Variants in ASTN2 observed in about 807,000 individuals in gnomAD.
The protein encoded by ASTN2 is astrotactin 2.
Under a neutral mutation model 139.8 loss-of-function variants are expected in ASTN2, and 54 were observed. The observed-to-expected ratio is 0.39, with a 90% CI of 0.31 to 0.48. The LOEUF (loss-of-function observed/expected upper bound fraction) is 0.48. Ranked by LOEUF, ASTN2 falls within the 20% of genes least tolerant of loss-of-function variation. ASTN2 has a pLI of 0.95. For missense variants in ASTN2, 1,565 were observed against 1,725.1 expected (o/e 0.91, Z 1.64); for synonymous variants, 756 against 719.5 (o/e 1.05, Z -0.81).
At chr9:117,008,955 G>T (rs937733218) in intron 6 of ASTN2, among the ~76,000 whole-genome samples, 1 of 152,082 alleles carries the variant, frequency 6.6e-6, no homozygotes, top group Non-Finnish European at 1.5e-5. Flanking sequence ...GATTTCCAAA[G>T]AAATCCCCAG....
intron 17 of ASTN2, 80 bp from the exon 18 acceptor site, chr9:116,620,523 G>A (rs1856085673): frequency 1.9e-6 from 3 of 1,562,976 alleles, no homozygotes; most frequent in East Asian, 2.2e-5. Flanking sequence ...TGGCCATGAT[G>A]TGAGCCATCG....
chr9:117,333,244 C>T (rs1828771878), intron 1 of ASTN2, among the ~76,000 whole-genome samples: 1 of 152,152 alleles, frequency 6.6e-6, no homozygotes, highest in African/African-American at 2.4e-5. Context: ...TGACATGTGC[C>T]ACCTCATTGA....
At chr9:116,952,003 T>G (rs780736734) in intron 10 of ASTN2, among the ~76,000 whole-genome samples, 1 of 152,260 alleles carries the variant, frequency 6.6e-6, no homozygotes, top group South Asian at 2.1e-4. Context: ...CAATAACTCA[T>G]GTGGTCAAAG....
At chr9:116,484,952 C>A (rs1222557205) in intron 20 of ASTN2, among the ~76,000 whole-genome samples, 1 of 152,154 alleles carries the variant, frequency 6.6e-6, no homozygotes, top group East Asian at 1.9e-4. Context: ...GGATTCCAGT[C>A]CAGCTGACAT....
At chr9:117,329,446 G>C (rs1392187386) in intron 1 of ASTN2, among the ~76,000 whole-genome samples, 1 of 152,034 alleles carries the variant, frequency 6.6e-6, no homozygotes, top group Non-Finnish European at 1.5e-5. Context: ...AAGAGGGAGA[G>C]GAGAGGGAGA....
chr9:117,232,744 A>G (rs564323721), intron 2 of ASTN2, among the ~76,000 whole-genome samples: 129 of 152,268 alleles, frequency 8.5e-4, no homozygotes, highest in Non-Finnish European at 1.6e-3. Flanking sequence ...TTATTATTAC[A>G]TTCACCAGAA....
chr9:116,859,380 G>A lies in ASTN2; in HGVS notation c.2040+4203C>T, dbSNP rs538861258. ...GAGAAACATATTATCCAAAGGGAAG[G>A]TTACCACAGCAGAACCAGAAAGCTG... On this transcript the variant is annotated intron_variant, in intron 11 of 22. Coordinates refer to ENST00000313400, the MANE Select transcript of ASTN2 (RefSeq NM_001365068.1). Among the ~76,000 whole-genome samples the A allele has an allele frequency of 2.0e-5, 3 of 152,282 alleles. No individual in the cohort carries two copies. In the South Asian group the frequency reaches 6.2e-4, roughly 32 times the overall value.
At chr9:117,120,018 G>GTGTGTGTATATATATATATATATA (rs1306397698) in intron 4 of ASTN2, among the ~76,000 whole-genome samples, 6 of 45,994 alleles carry the variant, frequency 1.3e-4, no homozygotes, top group East Asian at 1.2e-3. Flanking sequence ...GTGTGTGTGT[G>GTGTGTGTATATATATATATATATA]TATATATATA....
chr9:117,336,574 C>T (rs1030347797), intron 1 of ASTN2, among the ~76,000 whole-genome samples: 44 of 152,108 alleles, frequency 2.9e-4, no homozygotes, highest in African/African-American at 9.9e-4. Context: ...TTATTCTGTG[C>T]GTGGTCTATG....
At chr9:116,898,440 G>C (rs1833931054) in intron 10 of ASTN2, among the ~76,000 whole-genome samples, 1 of 150,922 alleles carries the variant, frequency 6.6e-6, no homozygotes, top group South Asian at 2.1e-4. Context: ...GGAAAATAGA[G>C]TCAGAAAGAC....
chr9:116,453,055 T>C (rs528810584), intron 20 of ASTN2, among the ~76,000 whole-genome samples: 60 of 152,140 alleles, frequency 3.9e-4, no homozygotes, highest in Admixed American at 6.5e-4. Flanking sequence ...TAGGGAACAT[T>C]ATAGGCAGAA....
Position 116,618,425 on chromosome 9 carries a change from AAGG to A in ASTN2, c.3251_3253del (p.Ser1084del). Reference sequence around the variant, plus strand: ...AGCTGGCTGAACATCCACCCACTCCAAGGAGACCACAGTACTGGAGGGCTCCAC... The same window carrying A: ...AGCTGGCTGAACATCCACCCACTCCAAGACCACAGTACTGGAGGGCTCCAC... On this transcript the variant is annotated inframe_deletion, in exon 19 of 23. Coordinates refer to ENST00000313400, the MANE Select transcript of ASTN2 (RefSeq NM_001365068.1). 1 of 1,614,150 alleles carries A rather than the reference AAGG, an allele frequency of 6.2e-7. No individual in the cohort carries two copies. The highest frequency in any genetic ancestry group is 8.5e-7 in the Non-Finnish European group (1 of 1,179,980).
chr9:116,506,579 G>C (rs1850118770), intron 19 of ASTN2, among the ~76,000 whole-genome samples: 2 of 152,202 alleles, frequency 1.3e-5, no homozygotes, highest in South Asian at 4.2e-4. Flanking sequence ...CCTCATCTGG[G>C]AGCAGGCAGA....
Position 117,291,365 on chromosome 9 carries a change from A to T in ASTN2, c.591T>A (p.Ile197=). Residue 197 remains isoleucine, a synonymous_variant, in exon 2 of 23, where the codon ATT becomes ATA. Coordinates refer to ENST00000313400, the MANE Select transcript of ASTN2 (RefSeq NM_001365068.1). ...TAPTLQEPSE[I]VEEQMHILHI... ...GGAGGATGTGCATCTGCTCCTCAAC[A>T]ATCTCCGAGGGCTCCTGGAGAGTGG... 1 of 1,613,990 alleles carries T rather than the reference A, an allele frequency of 6.2e-7. No homozygotes were observed. The highest frequency in any genetic ancestry group is 8.5e-7 in the Non-Finnish European group (1 of 1,179,976).
At chr9:116,783,750 A>G (rs998955959) in intron 13 of ASTN2, among the ~76,000 whole-genome samples, 23 of 152,118 alleles carry the variant, frequency 1.5e-4, no homozygotes, top group Non-Finnish European at 2.9e-4. Flanking sequence ...GGCGAAATAT[A>G]GGGCAGTACA....
chr9:117,360,554 G>A (rs891800660), intron 1 of ASTN2, among the ~76,000 whole-genome samples: 4 of 152,290 alleles, frequency 2.6e-5, no homozygotes, highest in Non-Finnish European at 1.5e-5. Flanking sequence ...GGAGCTGCTG[G>A]TCTAATGGAG....
chr9:116,440,853 C>A, intron 21 of ASTN2, 61 bp from the exon 22 acceptor site: 1 of 1,514,384 alleles, frequency 6.6e-7, no homozygotes, highest in Non-Finnish European at 9.0e-7. Flanking sequence ...AGGATATAAG[C>A]ATGGGCTTCA....
chr9:117,150,882 T>C (rs1055303804), intron 3 of ASTN2, among the ~76,000 whole-genome samples: 2 of 152,042 alleles, frequency 1.3e-5, no homozygotes, highest in South Asian at 2.1e-4. Flanking sequence ...TTAAAATTAT[T>C]TGTAGAGATT....
At chr9:116,706,246 C>G (rs530372130) in intron 16 of ASTN2, among the ~76,000 whole-genome samples, 10 of 152,178 alleles carry the variant, frequency 6.6e-5, no homozygotes, top group Non-Finnish European at 1.3e-4. Flanking sequence ...TTTCTCCCCT[C>G]AGAAGCCTAC....
Sources: gnomAD v4.1 joint callset for allele counts (sites outside exome capture counted in the v4.1 genomes callset) on GRCh38, gnomAD v4.1.1 for gene constraint, MANE v1.5 for transcripts, NCBI Gene and HGNC (gene_info 2026-07-23, HGNC 2026-07-21) for gene names.